Variants in CADPS observed in about 807,000 individuals in gnomAD.
CADPS encodes calcium-dependent secretion activator 1.
A neutral mutation model predicts 167.3 loss-of-function variants in CADPS; 57 were observed. That is an observed-to-expected ratio of 0.34 (90% CI 0.28 to 0.42). The LOEUF is 0.42. Ranked by LOEUF, CADPS falls within the 20% of genes least tolerant of loss-of-function variation. The pLI, the probability that CADPS is intolerant of heterozygous loss-of-function variation, is 1.00. For synonymous variants in CADPS, 676 were observed against 635.3 expected, an observed-to-expected ratio of 1.06 and a Z score of -0.96; for missense variants, 1,414 against 1,738.1, an observed-to-expected ratio of 0.81 and a Z score of 3.32.
chr3:62,417,784 G>C (rs956969103), intron 28 of CADPS, among the ~76,000 whole-genome samples: 1 of 151,936 alleles, frequency 6.6e-6, no homozygotes, highest in Non-Finnish European at 1.5e-5. Context: ...GGTGAGCTAT[G>C]ATTGCACCAC....
chr3:62,853,261 C>A (rs1408892002), intron 1 of CADPS, among the ~76,000 whole-genome samples: 6 of 152,062 alleles, frequency 3.9e-5, no homozygotes, highest in Non-Finnish European at 8.8e-5. Flanking sequence ...AGAATGAGTT[C>A]TATCATATTT....
rs548070315 is a variant in CADPS at position 62,590,726 on chromosome 3, G to C, written c.1437+1911C>G. Among the ~76,000 whole-genome samples, 107 of 152,022 alleles carry C rather than the reference G, an allele frequency of 7.0e-4. 2 individuals are homozygous for C. In the South Asian group the frequency reaches 0.02, roughly 29 times the overall value. ...GTGTGCCTGTGTGCTTGTCTGGGGT[G>C]GTCTCTCATTATGCTATAGATGTTA... On this transcript the variant is annotated intron_variant, in intron 7 of 29. Transcript: ENST00000383710.
At chr3:62,709,772 A>G (rs537021258) in intron 3 of CADPS, among the ~76,000 whole-genome samples, 1 of 151,544 alleles carries the variant, frequency 6.6e-6, no homozygotes, top group African/African-American at 2.4e-5. Flanking sequence ...TTATTTATGT[A>G]TTTATTATTT....
chr3:62,466,988 C>T (rs1299582702), intron 24 of CADPS, among the ~76,000 whole-genome samples: 3 of 152,290 alleles, frequency 2.0e-5, no homozygotes, highest in South Asian at 2.1e-4. Flanking sequence ...GCAAGCCACT[C>T]ATTTCCTCCA....
chr3:62,746,003 T>G (rs771551050), intron 3 of CADPS, among the ~76,000 whole-genome samples: 1 of 152,176 alleles, frequency 6.6e-6, no homozygotes, highest in Non-Finnish European at 1.5e-5. Context: ...CAGCAAACAC[T>G]GAGGAGCCCA....
chr3:62,791,662 C>A (rs2092956080), intron 1 of CADPS, among the ~76,000 whole-genome samples: 1 of 152,186 alleles, frequency 6.6e-6, no homozygotes, highest in Non-Finnish European at 1.5e-5. Context: ...GTACCAGTAT[C>A]TGCTCATGGC....
intron 28 of CADPS, among the ~76,000 whole-genome samples, chr3:62,406,276 C>A (rs1439789372): frequency 6.6e-6 from 1 of 152,162 alleles, no homozygotes; most frequent in East Asian, 1.9e-4. Flanking sequence ...TCCCAGAAAG[C>A]CAGTCATTAA....
intron 3 of CADPS, among the ~76,000 whole-genome samples, chr3:62,726,278 T>C (rs187130968): frequency 1.3e-5 from 2 of 152,038 alleles, no homozygotes; most frequent in African/African-American, 4.8e-5. Context: ...ATGTCCACTT[T>C]AGGTCCATGG....
chr3:62,833,454 T>A (rs1484175602), intron 1 of CADPS, among the ~76,000 whole-genome samples: 1 of 151,724 alleles, frequency 6.6e-6, no homozygotes, highest in Non-Finnish European at 1.5e-5. Context: ...TTTGGGAGGC[T>A]GAGGAGGGAG....
intron 27 of CADPS, among the ~76,000 whole-genome samples, chr3:62,442,511 G>A (rs946532055): frequency 6.6e-6 from 1 of 151,966 alleles, no homozygotes; most frequent in South Asian, 2.1e-4. Flanking sequence ...GAGCTGCTTC[G>A]CCCGGCATAA....
At chr3:62,448,907 C>T (rs1279365296) in intron 26 of CADPS, among the ~76,000 whole-genome samples, 1 of 152,138 alleles carries the variant, frequency 6.6e-6, no homozygotes, top group African/African-American at 2.4e-5. Flanking sequence ...AGCCACCATG[C>T]CCGGCCGCTG....
chr3:62,451,675 TG>T (rs2058072238), intron 26 of CADPS, among the ~76,000 whole-genome samples: 1 of 152,110 alleles, frequency 6.6e-6, no homozygotes, highest in Non-Finnish European at 1.5e-5. Flanking sequence ...CACCCCCGCC[TG>T]TTTGACTTCA....
At chr3:62,840,496 A>G (rs1398433453) in intron 1 of CADPS, among the ~76,000 whole-genome samples, 3 of 152,144 alleles carry the variant, frequency 2.0e-5, no homozygotes, top group Admixed American at 6.5e-5. Context: ...TTGAACTGAC[A>G]TATGTCTATT....
At chr3:62,746,690 ACT>A (rs954949838) in intron 3 of CADPS, among the ~76,000 whole-genome samples, 1 of 151,598 alleles carries the variant, frequency 6.6e-6, no homozygotes, top group African/African-American at 2.4e-5. Flanking sequence ...TGCACCAGAG[ACT>A]CTCTCTCTCC....
At chr3:62,857,489 C>A (rs538308932) in intron 1 of CADPS, among the ~76,000 whole-genome samples, 1 of 151,898 alleles carries the variant, frequency 6.6e-6, no homozygotes, top group Non-Finnish European at 1.5e-5. Context: ...TCAATACAAC[C>A]AGTTAAATAA....
chr3:62,601,350 A>G lies in CADPS; in HGVS notation c.1326-8602T>C, dbSNP rs898344142. 2.0e-5 allele frequency among the ~76,000 whole-genome samples: 3 copies of G among 152,212 alleles called. No individual in the cohort carries two copies. The highest frequency in any genetic ancestry group is 4.4e-5 in the Non-Finnish European group (3 of 68,034). On this transcript the variant is annotated intron_variant, in intron 6 of 29. Coordinates refer to ENST00000383710, the MANE Select transcript of CADPS (RefSeq NM_003716.4). This position sits in a 1 kb window ranked among gnomAD's most constrained non-coding sequence, Gnocchi z 4.3. Reference sequence around the variant, plus strand: ...GAATTGAGTAGTTATGACAGAGAATATAGGGCCAACAAACCGAAAATTTTT... The same window carrying G: ...GAATTGAGTAGTTATGACAGAGAATGTAGGGCCAACAAACCGAAAATTTTT...
chr3:62,782,563 A>C (rs574044483), intron 1 of CADPS, among the ~76,000 whole-genome samples: 1 of 152,294 alleles, frequency 6.6e-6, no homozygotes, highest in African/African-American at 2.4e-5. Context: ...CCAAAGGGCA[A>C]AATGGCTTCA....
intron 1 of CADPS, among the ~76,000 whole-genome samples, chr3:62,802,713 C>A (rs2093845515): frequency 6.6e-6 from 1 of 152,126 alleles, no homozygotes; most frequent in Non-Finnish European, 1.5e-5. Flanking sequence ...GATTACTTAT[C>A]CAGTGGACAT....
chr3:62,778,648 T>A (rs1037852112), intron 1 of CADPS, among the ~76,000 whole-genome samples: 1 of 152,152 alleles, frequency 6.6e-6, no homozygotes, highest in African/African-American at 2.4e-5. Context: ...TTGATGCCTA[T>A]ACACCCACCA....
Sources: allele counts gnomAD v4.1 joint callset (sites outside exome capture counted in the v4.1 genomes callset), GRCh38; gene constraint gnomAD v4.1.1; non-coding constraint Gnocchi (gnomAD v3.1); transcripts MANE v1.5; gene names NCBI Gene and HGNC (gene_info 2026-07-23, HGNC 2026-07-21).